Variants in SPAG16 observed in about 807,000 individuals in gnomAD.
SPAG16 encodes sperm-associated antigen 16 protein.
A neutral mutation model predicts 80.4 loss-of-function variants in SPAG16; 86 were observed. That is an observed-to-expected ratio of 1.07 (90% CI 0.90 to 1.28). The LOEUF is 1.28. Among genes scored for constraint, SPAG16 ranks in the 50% most tolerant of loss-of-function variants. The probability of loss-of-function intolerance (pLI) is 0.00; values close to 1 mark genes in which losing one functional copy is unlikely to be tolerated. For synonymous variants in SPAG16, 294 were observed against 265.9 expected (o/e 1.11, Z -1.03); for missense variants, 870 against 765.3 (o/e 1.14, Z -1.61).
intron 13 of SPAG16, among the ~76,000 whole-genome samples, chr2:214,096,467 A>G (rs1576174757): frequency 6.6e-6 from 1 of 152,062 alleles, no homozygotes; most frequent in South Asian, 2.1e-4. Context: ...TTCATTAAAT[A>G]TAGTCTAATG....
At chr2:214,228,758 T>C (rs1688474517) in intron 15 of SPAG16, among the ~76,000 whole-genome samples, 1 of 151,914 alleles carries the variant, frequency 6.6e-6, no homozygotes, top group African/African-American at 2.4e-5. Flanking sequence ...CTTCAAGCAC[T>C]GTTGCAGTCA....
chr2:214,326,802 G>A (rs1178813341), intron 15 of SPAG16, among the ~76,000 whole-genome samples: 4 of 151,940 alleles, frequency 2.6e-5, no homozygotes, highest in African/African-American at 7.2e-5. Context: ...AAAATTACCC[G>A]GGCGTGGTGG....
rs1553522806 is a variant in SPAG16 at position 214,195,303 on chromosome 2, T to TGATAGATAGATAGATAGATAGATGATA, written c.1720+46060_1720+46061insGATAGATAGATAGATAGATAGATAGAT. On this transcript the variant is annotated intron_variant, in intron 15 of 15. Transcript: ENST00000331683. ...CAAACACACACAGATAGATGAGAGA[T>TGATAGATAGATAGATAGATAGATGATA]GATAGATAGATAGATAGATAGATAG... 2.2e-3 allele frequency among the ~76,000 whole-genome samples: 325 copies of TGATAGATAGATAGATAGATAGATGATA among 146,766 alleles called. 1 individual carries two copies. The highest frequency in any genetic ancestry group is 7.8e-3 in the African/African-American group (310 of 39,556).
intron 7 of SPAG16, among the ~76,000 whole-genome samples, chr2:213,351,869 A>G (rs1244761655): frequency 6.6e-6 from 1 of 152,134 alleles, no homozygotes; most frequent in Non-Finnish European, 1.5e-5. Context: ...CAATGATAAT[A>G]TGATTTGGCT....
chr2:214,146,532 T>C (rs947567546), intron 14 of SPAG16, among the ~76,000 whole-genome samples: 3 of 152,174 alleles, frequency 2.0e-5, no homozygotes, highest in Non-Finnish European at 4.4e-5. Flanking sequence ...GTGGAAGCAT[T>C]ACTCATCTAT....
In SPAG16 at chr2:213,649,084, T is replaced by C. The variant is rs17753697; in HGVS notation, c.1070+158994T>C. 8.8e-3 allele frequency among the ~76,000 whole-genome samples: 1,336 copies of C among 152,360 alleles called. 15 individuals carry two copies. The highest frequency in any genetic ancestry group is 0.024 in the Middle Eastern group (7 of 294). ...TGGTGAAATCTTCATTGCTCACTTA[T>C]GAATTATGGAACAGCTTTTCTTTCC... On this transcript the variant is annotated intron_variant, in intron 10 of 15. Coordinates refer to ENST00000331683, the MANE Select transcript of SPAG16 (RefSeq NM_024532.5).
At chr2:213,752,726 C>A (rs1313826046) in intron 10 of SPAG16, among the ~76,000 whole-genome samples, 1 of 152,158 alleles carries the variant, frequency 6.6e-6, no homozygotes, top group Non-Finnish European at 1.5e-5. Context: ...CACTAAAACA[C>A]AACTAATTAT....
intron 9 of SPAG16, among the ~76,000 whole-genome samples, chr2:213,482,471 A>G (rs116112130): frequency 0.022 from 3,357 of 152,320 alleles, 53 homozygotes; most frequent in Middle Eastern, 0.051. Flanking sequence ...GTAAGATTAT[A>G]AGCATTTTCT....
At chr2:214,243,417 T>C (rs1030837769) in intron 15 of SPAG16, among the ~76,000 whole-genome samples, 1 of 152,098 alleles carries the variant, frequency 6.6e-6, no homozygotes, top group African/African-American at 2.4e-5. Flanking sequence ...GAGTCAGGGC[T>C]CATAAAATTT....
chr2:214,396,923 CT>C (rs966010441), intron 15 of SPAG16, among the ~76,000 whole-genome samples: 2 of 151,638 alleles, frequency 1.3e-5, no homozygotes, highest in African/African-American at 2.4e-5. Context: ...TTTTCTTTAG[CT>C]TTTTTCCTAA....
intron 15 of SPAG16, among the ~76,000 whole-genome samples, chr2:214,286,455 A>C (rs559804354): frequency 6.6e-6 from 1 of 152,180 alleles, no homozygotes; most frequent in South Asian, 2.1e-4. Context: ...GTGTATAAAA[A>C]AATAACAGAG....
At chr2:213,610,114 C>G (rs1267246162) in intron 10 of SPAG16, among the ~76,000 whole-genome samples, 2 of 151,688 alleles carry the variant, frequency 1.3e-5, no homozygotes, top group Non-Finnish European at 2.9e-5. Flanking sequence ...TTTTTATTTT[C>G]CCTTTCTTCC....
intron 10 of SPAG16, among the ~76,000 whole-genome samples, chr2:213,851,577 A>G (rs1283816893): frequency 6.6e-6 from 1 of 152,224 alleles, no homozygotes; most frequent in Non-Finnish European, 1.5e-5. Flanking sequence ...TTTTAATCGC[A>G]GTACCATTGA....
At chr2:213,603,694 G>T (rs2061150373) in intron 10 of SPAG16, among the ~76,000 whole-genome samples, 1 of 152,160 alleles carries the variant, frequency 6.6e-6, no homozygotes, top group South Asian at 2.1e-4. Context: ...AAATGGATGA[G>T]ATCTATTCAT....
chr2:214,350,763 A>G (rs547515792), intron 15 of SPAG16, among the ~76,000 whole-genome samples: 17 of 152,308 alleles, frequency 1.1e-4, no homozygotes, highest in African/African-American at 4.1e-4. Context: ...CTAGAAGCCT[A>G]GAAGCTAAAG....
intron 10 of SPAG16, among the ~76,000 whole-genome samples, chr2:213,794,336 C>T (rs532546434): frequency 2.0e-5 from 3 of 152,196 alleles, no homozygotes; most frequent in African/African-American, 7.2e-5. Flanking sequence ...GCACATTGTA[C>T]AGTTTTAATA....
intron 10 of SPAG16, among the ~76,000 whole-genome samples, chr2:213,849,277 A>G (rs755895582): frequency 6.6e-6 from 1 of 152,112 alleles, no homozygotes; most frequent in Non-Finnish European, 1.5e-5. Context: ...CTAACACATC[A>G]CCGTGAGAAT....
intron 10 of SPAG16, among the ~76,000 whole-genome samples, chr2:213,850,550 T>A (rs542122653): frequency 6.6e-6 from 1 of 152,338 alleles, no homozygotes; most frequent in East Asian, 1.9e-4. Flanking sequence ...CCTGCCTGTA[T>A]GGCATTTCTT....
intron 11 of SPAG16, among the ~76,000 whole-genome samples, chr2:213,921,994 T>A (rs1241692594): frequency 1.3e-5 from 2 of 152,230 alleles, no homozygotes; most frequent in African/African-American, 4.8e-5. Context: ...CTGATGATTA[T>A]GTGTCTTGGA....
Sources: gnomAD v4.1 joint callset for allele counts (sites outside exome capture counted in the v4.1 genomes callset) on GRCh38, gnomAD v4.1.1 for gene constraint, MANE v1.5 for transcripts, NCBI Gene and HGNC (gene_info 2026-07-23, HGNC 2026-07-21) for gene names.